GATA4: variants seen among roughly 807,000 people sequenced by gnomAD.
GATA4 encodes GATA binding protein 4, also known as transcription factor GATA-4.
Under a neutral mutation model 37.9 loss-of-function variants are expected in GATA4, and 7 were observed. That is an observed-to-expected ratio of 0.18 (90% CI 0.11 to 0.35). The LOEUF (loss-of-function observed/expected upper bound fraction) is 0.35. GATA4 is among the 10% of genes least tolerant of loss of function. The probability of loss-of-function intolerance (pLI) is 1.00; values close to 1 mark genes in which losing one functional copy is unlikely to be tolerated. For missense variants in GATA4, 647 were observed against 653.0 expected (o/e 0.99, Z 0.10); for synonymous variants, 372 against 292.6 (o/e 1.27, Z -2.77).
At chr8:11,692,676 C>CGGGGGTGA (rs1402228382) in intron 1 of GATA4, 1 of 938,884 alleles carries the variant, frequency 1.1e-6, no homozygotes, top group Non-Finnish European at 1.3e-6. Context: ...TGCGGGGGTG[C>CGGGGGTGA]GGGGGTGAGG....
At chr8:11,689,074 A>C (rs1799231207), upstream of GATA4, among the ~76,000 whole-genome samples, 1 of 152,206 alleles carries the variant, frequency 6.6e-6, no homozygotes, top group Admixed American at 6.5e-5. Flanking sequence ...CGGCAAATCC[A>C]ATAAGCGACT....
intron 1 of GATA4, among the ~76,000 whole-genome samples, 185 bp downstream of exon 1, chr8:11,704,489 A>T (rs571505123): frequency 6.6e-6 from 1 of 152,370 alleles, no homozygotes; most frequent in Non-Finnish European, 1.5e-5. Context: ...AACTTCTTTA[A>T]GTCAAAGTAA....
chr8:11,704,176 T>C (rs1001971008), upstream of GATA4: 3 of 152,176 alleles, frequency 2.0e-5, no homozygotes, highest in African/African-American at 7.2e-5. Flanking sequence ...GCCGAGTTGC[T>C]GGGCCGGGGA....
intron 2 of GATA4, among the ~76,000 whole-genome samples, chr8:11,712,800 G>T (rs1800254804): frequency 6.6e-6 from 1 of 152,110 alleles, no homozygotes; most frequent in African/African-American, 2.4e-5. Context: ...GGTTGAGGCT[G>T]CAGTGAGCCG....
intron 4 of GATA4, 84 bp downstream of exon 4, chr8:11,750,320 G>A: frequency 1.9e-6 from 3 of 1,568,872 alleles, no homozygotes; most frequent in Non-Finnish European, 2.6e-6. Context: ...CTTTGTACTA[G>A]CATTCATTTT....
chr8:11,746,139 C>T (rs746028879), intron 2 of GATA4, among the ~76,000 whole-genome samples: 4 of 151,590 alleles, frequency 2.6e-5, no homozygotes, highest in Non-Finnish European at 5.9e-5. Context: ...GGGATGGTAG[C>T]GTGTGCCTGT....
intron 2 of GATA4, among the ~76,000 whole-genome samples, chr8:11,723,520 TC>T (rs1800772219): frequency 6.6e-6 from 1 of 152,180 alleles, no homozygotes; most frequent in South Asian, 2.1e-4. Context: ...AATGTCCTAA[TC>T]TCTTTTTATG....
At chr8:11,754,915 C>A (rs1802476320) in intron 4 of GATA4, 131 bp from the exon 5 acceptor site, 2 of 727,740 alleles carry the variant, frequency 2.7e-6, no homozygotes, top group Non-Finnish European at 4.9e-6. Flanking sequence ...GCCTGTGCAG[C>A]CCGTCTGGGC....
intron 1 of GATA4, among the ~76,000 whole-genome samples, chr8:11,679,232 A>T (rs1437111613): frequency 6.6e-6 from 1 of 151,522 alleles, no homozygotes; most frequent in East Asian, 1.9e-4. Context: ...ACACAGGAGA[A>T]TGTCAGTGGC....
intron 1 of GATA4, among the ~76,000 whole-genome samples, chr8:11,683,832 A>G (rs918193162): frequency 1.3e-5 from 2 of 152,212 alleles, no homozygotes; most frequent in Non-Finnish European, 2.9e-5. Flanking sequence ...TGCCTGGGCC[A>G]GGCCCCTACC....
intron 2 of GATA4, among the ~76,000 whole-genome samples, chr8:11,729,573 A>G (rs951852383): frequency 6.7e-6 from 1 of 148,316 alleles, no homozygotes; most frequent in Non-Finnish European, 1.5e-5. Context: ...AAAAAAATGC[A>G]GAAGCTACTT....
intron 1 of GATA4, among the ~76,000 whole-genome samples, chr8:11,686,803 G>C (rs1799150901): frequency 6.6e-6 from 1 of 152,132 alleles, no homozygotes; most frequent in Non-Finnish European, 1.5e-5. Context: ...TTCGAGACCA[G>C]CCTGACCAAC....
intron 2 of GATA4, among the ~76,000 whole-genome samples, chr8:11,744,450 C>G (rs1305055187): frequency 2.0e-5 from 3 of 152,212 alleles, no homozygotes. Flanking sequence ...GGGGCTGCAT[C>G]CGAGGCCACA....
intron 2 of GATA4, among the ~76,000 whole-genome samples, chr8:11,721,506 C>G (rs1434003799): frequency 6.6e-6 from 1 of 151,866 alleles, no homozygotes; most frequent in Non-Finnish European, 1.5e-5. Flanking sequence ...GTGATGAGCG[C>G]CTCCCGCTGA....
chr8:11,755,046 G>A lies in GATA4; in HGVS notation c.913G>A (p.Val305Ile). 1 of 1,613,588 alleles carries A rather than the reference G, an allele frequency of 6.2e-7. No homozygotes were observed. Among genetic ancestry groups the A allele is most frequent in the South Asian group, 1.1e-5 (1 of 91,058 alleles). ...ACGLYMKLHG[V>I]PRPLAMRKEG... is the part of the protein sequence containing the mutation. ...TATATATTTACTTGTGACCCTCCAG[G>A]TCCCCAGGCCTCTTGCAATGCGGAA... is the stretch of plus-strand genomic sequence containing the variant. The change falls in exon 5 of 7, where the codon GTC becomes ATC. Residue 305 changes from valine (V) to isoleucine (I), a missense_variant and splice_region_variant. Transcript: ENST00000532059.
intron 2 of GATA4, among the ~76,000 whole-genome samples, chr8:11,732,746 C>T (rs1437671640): frequency 6.6e-6 from 1 of 152,154 alleles, no homozygotes; most frequent in African/African-American, 2.4e-5. Flanking sequence ...TTTGCTTTCT[C>T]CCTTTCCTCC....
At chr8:11,703,369 C>T (rs1799751486), upstream of GATA4, among the ~76,000 whole-genome samples, 1 of 152,130 alleles carries the variant, frequency 6.6e-6, no homozygotes, top group Admixed American at 6.5e-5. Flanking sequence ...CAGGCTCTGA[C>T]GCCGACTCCC....
Position 11,758,366 on chromosome 8 carries a change from C to A in GATA4, c.1223C>A (p.Pro408Gln), listed in dbSNP as rs115099192. ...HPVLSALKLS[P>Q]QGYASPVSQS... Reference sequence around the variant, plus strand: ...GTCCTCTCGGCCCTGAAGCTCTCCCCACAAGGCTATGCGTCTCCCGTCAGC... The same window carrying A: ...GTCCTCTCGGCCCTGAAGCTCTCCCAACAAGGCTATGCGTCTCCCGTCAGC... The change falls in exon 7 of 7, where the codon CCA becomes CAA. Residue 408 changes from proline (P) to glutamine (Q), a missense_variant. Physicochemically the swap from Pro to Gln is moderately conservative, Grantham distance 76. Coordinates refer to ENST00000532059, the MANE Select transcript of GATA4 (RefSeq NM_001308093.3). 615 of 1,614,222 alleles carry A rather than the reference C, an allele frequency of 3.8e-4. 1 individual carries two copies. In the East Asian group the frequency reaches 7.6e-3, roughly 20 times the overall value.
intron 2 of GATA4, among the ~76,000 whole-genome samples, chr8:11,736,670 C>A (rs1801474943): frequency 6.6e-6 from 1 of 152,184 alleles, no homozygotes; most frequent in Non-Finnish European, 1.5e-5. Context: ...CAATTGCATT[C>A]CTCTGTCTTT....
Sources: allele counts gnomAD v4.1 joint callset (sites outside exome capture counted in the v4.1 genomes callset), GRCh38; gene constraint gnomAD v4.1.1; transcripts MANE v1.5; gene names NCBI Gene and HGNC (gene_info 2026-07-23, HGNC 2026-07-21).